The following LHFPL4 variants were observed in gnomAD, a reference collection of about 807,000 sequenced individuals.
LHFPL4 encodes the protein LHFPL tetraspan subfamily member 4, also known as LHFPL tetraspan subfamily member 4 protein.
Under a neutral mutation model 20.0 loss-of-function variants are expected in LHFPL4, and 6 were observed. The observed-to-expected ratio is 0.30, with a 90% CI of 0.16 to 0.59. The LOEUF (loss-of-function observed/expected upper bound fraction) is 0.59. LHFPL4 is among the 20% of genes least tolerant of loss of function. The pLI is 0.88. For synonymous variants in LHFPL4, 129 were observed against 143.8 expected (o/e 0.90, Z 0.74); for missense variants, 215 against 331.2 (o/e 0.65, Z 2.72).
chr3:9,522,816 T>C (rs2046347002), intron 2 of LHFPL4, among the ~76,000 whole-genome samples: 3 of 148,674 alleles, frequency 2.0e-5, no homozygotes, highest in South Asian at 2.1e-4. Flanking sequence ...ACAAGGTGGG[T>C]GGATCACGAG....
intron 2 of LHFPL4, among the ~76,000 whole-genome samples, chr3:9,539,121 C>T (rs951908402): frequency 6.6e-6 from 1 of 152,072 alleles, no homozygotes; most frequent in African/African-American, 2.4e-5. Context: ...CACCTATATG[C>T]CAGGTACAGA....
intron 2 of LHFPL4, among the ~76,000 whole-genome samples, chr3:9,546,575 C>T (rs1011003182): frequency 6.6e-6 from 1 of 152,176 alleles, no homozygotes; most frequent in African/African-American, 2.4e-5. Flanking sequence ...GGGTACAAGT[C>T]TCACTCTGTC....
intron 2 of LHFPL4, among the ~76,000 whole-genome samples, chr3:9,514,500 GAC>G (rs1163661989): frequency 6.6e-6 from 1 of 152,144 alleles, no homozygotes; most frequent in Non-Finnish European, 1.5e-5. Flanking sequence ...AGACAACATT[GAC>G]ACATTATCAC....
rs1369909237 is a variant in LHFPL4 at position 9,506,431 on chromosome 3, C to G, written c.407-228G>C. ...GAAACTTTCTGGAACCCGCAATGCC[C>G]TCTCCCTTCCCCATGAGATCAACTC... is the stretch of plus-strand genomic sequence containing the variant. On this transcript the variant is annotated intron_variant, in intron 2 of 3. Transcript: ENST00000287585. The surrounding 1 kb of genome is among the most constrained non-coding windows in gnomAD (Gnocchi z 4.5). Among the ~76,000 whole-genome samples, 2 of 152,136 alleles carry G rather than the reference C, an allele frequency of 1.3e-5. No individual in the cohort carries two copies. Among genetic ancestry groups the G allele is most frequent in the East Asian group, 1.9e-4 (1 of 5,196 alleles).
At chr3:9,523,920 T>C (rs1237494628) in intron 2 of LHFPL4, among the ~76,000 whole-genome samples, 1 of 152,094 alleles carries the variant, frequency 6.6e-6, no homozygotes, top group East Asian at 1.9e-4. Flanking sequence ...TCTGAGAAAG[T>C]CTTTATTTCT....
chr3:9,510,897 C>T (rs144282384), intron 2 of LHFPL4, among the ~76,000 whole-genome samples: 6,152 of 151,552 alleles, frequency 0.041, 171 homozygotes, highest in Non-Finnish European at 0.062. Context: ...AAGATTGCAC[C>T]ACTGCACTCC....
intron 2 of LHFPL4, chr3:9,551,170 T>C (rs1161197895): frequency 5.3e-5 from 8 of 152,178 alleles, no homozygotes; most frequent in Non-Finnish European, 1.0e-4. Context: ...CAGCAAGTGA[T>C]ATAATGCCTC....
intron 2 of LHFPL4, among the ~76,000 whole-genome samples, chr3:9,548,350 T>A (rs2046530886): frequency 6.6e-6 from 1 of 152,212 alleles, no homozygotes; most frequent in South Asian, 2.1e-4. Context: ...CTGCTGCTGA[T>A]TAAAGTCGAA....
In LHFPL4 at chr3:9,506,774, T is replaced by G. The variant is rs2046221734; in HGVS notation, c.407-571A>C. 6.6e-6 allele frequency among the ~76,000 whole-genome samples: 1 copy of G among 152,062 alleles called. No homozygotes were observed. ...TTTTGTATTTTTAGTAGAGATGAGGTTTCACCATGTTGGCCAGGCTGGTCT... is the reference window on the plus strand; with the variant it reads ...TTTTGTATTTTTAGTAGAGATGAGGGTTCACCATGTTGGCCAGGCTGGTCT... On this transcript the variant is annotated intron_variant, in intron 2 of 3. Coordinates refer to ENST00000287585, the MANE Select transcript of LHFPL4 (RefSeq NM_198560.3). This position sits in a 1 kb window ranked among gnomAD's most constrained non-coding sequence, Gnocchi z 4.5.
chr3:9,536,805 A>T (rs994263258), intron 2 of LHFPL4, among the ~76,000 whole-genome samples: 1 of 151,842 alleles, frequency 6.6e-6, no homozygotes, highest in East Asian at 1.9e-4. Flanking sequence ...CTAAAAAAAA[A>T]ATTAGCAGGA....
chr3:9,537,357 A>AG (rs2046450112), intron 2 of LHFPL4, among the ~76,000 whole-genome samples: 1 of 152,050 alleles, frequency 6.6e-6, no homozygotes, highest in Non-Finnish European at 1.5e-5. Context: ...ACAGTTTTGG[A>AG]GGGGGGTACT....
intron 2 of LHFPL4, among the ~76,000 whole-genome samples, chr3:9,545,789 G>T (rs2125667651): frequency 6.6e-6 from 1 of 151,888 alleles, no homozygotes; most frequent in South Asian, 2.1e-4. Flanking sequence ...TGTGCCTGTA[G>T]TTCTAGCTAC....
chr3:9,540,382 C>T (rs2046469853), intron 2 of LHFPL4, among the ~76,000 whole-genome samples: 1 of 152,118 alleles, frequency 6.6e-6, no homozygotes, highest in Non-Finnish European at 1.5e-5. Context: ...TTTGATATTC[C>T]TCCCTTCAAG....
chr3:9,523,100 G>GAA (rs2046350607), intron 2 of LHFPL4, among the ~76,000 whole-genome samples: 1 of 146,998 alleles, frequency 6.8e-6, no homozygotes, highest in Non-Finnish European at 1.5e-5. Flanking sequence ...AAGAGAGAGA[G>GAA]AGAGAGAAAG....
chr3:9,525,966 A>T (rs1184172435), intron 2 of LHFPL4, among the ~76,000 whole-genome samples: 1 of 152,174 alleles, frequency 6.6e-6, no homozygotes, highest in Non-Finnish European at 1.5e-5. Flanking sequence ...AGGTAGAAAG[A>T]CCATACGTAG....
intron 2 of LHFPL4, among the ~76,000 whole-genome samples, chr3:9,535,357 G>A (rs1267800904): frequency 2.0e-5 from 3 of 152,150 alleles, no homozygotes; most frequent in Admixed American, 6.6e-5. Flanking sequence ...ACACTGAGGT[G>A]CAAGACGTTT....
At chr3:9,504,204 C>T (rs1183146316) in intron 3 of LHFPL4, among the ~76,000 whole-genome samples, 1 of 152,116 alleles carries the variant, frequency 6.6e-6, no homozygotes, top group Non-Finnish European at 1.5e-5. Flanking sequence ...AACCCCATCT[C>T]TACTAAGAAT....
chr3:9,537,062 G>A (rs1162144186), intron 2 of LHFPL4, among the ~76,000 whole-genome samples: 2 of 152,004 alleles, frequency 1.3e-5, no homozygotes, highest in East Asian at 3.9e-4. Context: ...CTGCAGCCTG[G>A]GCAACAGAGC....
intron 2 of LHFPL4, among the ~76,000 whole-genome samples, chr3:9,551,513 G>A (rs532129401): frequency 5.3e-5 from 8 of 152,290 alleles, no homozygotes; most frequent in African/African-American, 1.7e-4. Context: ...TTCCCAAAAA[G>A]CCCTTCTCTG....
Sources: gnomAD v4.1 joint callset for allele counts (sites outside exome capture counted in the v4.1 genomes callset) on GRCh38, gnomAD v4.1.1 for gene constraint, Gnocchi (gnomAD v3.1) non-coding constraint, MANE v1.5 for transcripts, NCBI Gene and HGNC (gene_info 2026-07-23, HGNC 2026-07-21) for gene names.